The following HNF4G variants were observed in gnomAD, a reference collection of about 807,000 sequenced individuals.
HNF4G encodes the protein hepatocyte nuclear factor 4 gamma.
A neutral mutation model predicts 50.9 loss-of-function variants in HNF4G; 21 were observed. That is an observed-to-expected ratio of 0.41 (90% confidence interval 0.29 to 0.59). The LOEUF is 0.59. Among genes scored for constraint, HNF4G ranks in the 20% least tolerant of loss-of-function variants. The pLI is 0.26. For missense variants in HNF4G, 527 were observed against 559.4 expected, an observed-to-expected ratio of 0.94 and a Z score of 0.58; for synonymous variants, 198 against 185.6, an observed-to-expected ratio of 1.07 and a Z score of -0.54.
chr8:75,487,021 A>T (rs78689531), intron 1 of HNF4G, among the ~76,000 whole-genome samples: 1 of 144,356 alleles, frequency 6.9e-6, no homozygotes, highest in Non-Finnish European at 1.5e-5. Context: ...AAATGATAAG[A>T]AAAAACTAGG....
At chr8:75,525,764 GTC>G (rs1227968251) in intron 2 of HNF4G, among the ~76,000 whole-genome samples, 1 of 152,170 alleles carries the variant, frequency 6.6e-6, no homozygotes. Context: ...AAATGGAGCA[GTC>G]TCTGTAAGAA....
At chr8:75,482,661 C>T (rs1431805967) in intron 1 of HNF4G, among the ~76,000 whole-genome samples, 1 of 152,166 alleles carries the variant, frequency 6.6e-6, no homozygotes, top group Non-Finnish European at 1.5e-5. Flanking sequence ...AGCCACCGCC[C>T]CCCGGCTGGT....
At chr8:75,478,677 T>C (rs1391337811) in intron 1 of HNF4G, among the ~76,000 whole-genome samples, 1 of 152,182 alleles carries the variant, frequency 6.6e-6, no homozygotes, top group Non-Finnish European at 1.5e-5. Flanking sequence ...GAGACTTAGT[T>C]TGCTCATGTA....
chr8:75,456,233 T>C (rs139083892), intron 1 of HNF4G, among the ~76,000 whole-genome samples: 293 of 152,220 alleles, frequency 1.9e-3, no homozygotes, highest in Non-Finnish European at 2.9e-3. Context: ...ATATTTATAT[T>C]ATGAATGAAG....
chr8:75,461,583 T>C (rs1392514537), intron 1 of HNF4G, among the ~76,000 whole-genome samples: 1 of 152,132 alleles, frequency 6.6e-6, no homozygotes, highest in Non-Finnish European at 1.5e-5. Flanking sequence ...TGAGAGGCCA[T>C]TATTCTGCCT....
chr8:75,494,143 C>A (rs924236871), intron 2 of HNF4G, among the ~76,000 whole-genome samples: 1 of 152,030 alleles, frequency 6.6e-6, no homozygotes, highest in Admixed American at 6.6e-5. Flanking sequence ...TCAAAGTTGT[C>A]TAAAACATCA....
intron 1 of HNF4G, among the ~76,000 whole-genome samples, chr8:75,542,002 G>A (rs1253311394): frequency 6.6e-6 from 1 of 151,844 alleles, no homozygotes; most frequent in East Asian, 1.9e-4. Flanking sequence ...AAAAACTAAG[G>A]CCATTTAAAA....
chr8:75,481,986 C>A (rs1282520597), intron 1 of HNF4G, among the ~76,000 whole-genome samples: 1 of 152,038 alleles, frequency 6.6e-6, no homozygotes. Context: ...TGTTCGATAG[C>A]CTTTGTGTAT....
chr8:75,503,733 TG>T (rs1812992114), intron 2 of HNF4G, among the ~76,000 whole-genome samples: 1 of 152,098 alleles, frequency 6.6e-6, no homozygotes, highest in Non-Finnish European at 1.5e-5. Flanking sequence ...CTTATAGGAG[TG>T]GAGAACTTAC....
chr8:75,524,653 T>C (rs1236353113), intron 2 of HNF4G, among the ~76,000 whole-genome samples: 1 of 152,098 alleles, frequency 6.6e-6, no homozygotes, highest in East Asian at 1.9e-4. Flanking sequence ...GTAAACGTAC[T>C]GAAAGGCAAT....
At chr8:75,527,745 G>A (rs905981017) in intron 2 of HNF4G, among the ~76,000 whole-genome samples, 1 of 152,170 alleles carries the variant, frequency 6.6e-6, no homozygotes, top group Non-Finnish European at 1.5e-5. Context: ...CCATAAACAA[G>A]TAAATTTTAT....
intron 1 of HNF4G, among the ~76,000 whole-genome samples, chr8:75,482,068 A>G (rs923331080): frequency 2.0e-5 from 3 of 152,212 alleles, no homozygotes; most frequent in Non-Finnish European, 4.4e-5. Context: ...GCAATATCAC[A>G]ATATCCTCGA....
At chr8:75,469,755 A>G (rs572433249) in intron 1 of HNF4G, among the ~76,000 whole-genome samples, 2 of 152,168 alleles carry the variant, frequency 1.3e-5, no homozygotes, top group East Asian at 1.9e-4. Flanking sequence ...GTTATCTTCA[A>G]GTTTTTCTTC....
At chr8:75,546,467 T>C (rs2130793346) in intron 2 of HNF4G, among the ~76,000 whole-genome samples, 1 of 152,188 alleles carries the variant, frequency 6.6e-6, no homozygotes, top group Non-Finnish European at 1.5e-5. Flanking sequence ...AATTTGACCA[T>C]TTTCATCACC....
intron 1 of HNF4G, among the ~76,000 whole-genome samples, chr8:75,471,934 C>T (rs1812123695): frequency 6.6e-6 from 1 of 152,152 alleles, no homozygotes; most frequent in African/African-American, 2.4e-5. Context: ...TGGCTTCTTA[C>T]TTATGGTACT....
chr8:75,421,545 A>G (rs1419634700), intron 1 of HNF4G, among the ~76,000 whole-genome samples: 2 of 152,226 alleles, frequency 1.3e-5, no homozygotes, highest in Non-Finnish European at 2.9e-5. Flanking sequence ...AATAGGGTTG[A>G]CAGGGGTTAG....
intron 1 of HNF4G, among the ~76,000 whole-genome samples, chr8:75,416,620 T>G (rs945530290): frequency 3.9e-5 from 6 of 152,196 alleles, no homozygotes; most frequent in African/African-American, 1.4e-4. Context: ...TACACATTAC[T>G]GTATGTTATT....
chr8:75,529,235 G>C (rs143583360), intron 2 of HNF4G, among the ~76,000 whole-genome samples: 1,728 of 152,090 alleles, frequency 0.011, 10 homozygotes, highest in Middle Eastern at 0.034. Context: ...AGCTTGCAGT[G>C]AGCTGAGATC....
At chr8:75,409,383 G>T (rs1030460587) in intron 1 of HNF4G, among the ~76,000 whole-genome samples, 2 of 151,186 alleles carry the variant, frequency 1.3e-5, no homozygotes, top group African/African-American at 4.9e-5. Flanking sequence ...ACGGTTATAG[G>T]CATATGGGAT....
Sources: gnomAD v4.1 joint callset for allele counts (sites outside exome capture counted in the v4.1 genomes callset) on GRCh38, gnomAD v4.1.1 for gene constraint, MANE v1.5 for transcripts, NCBI Gene and HGNC (gene_info 2026-07-23, HGNC 2026-07-21) for gene names.